Variants in HLCS observed in about 807,000 individuals in gnomAD.
The protein encoded by HLCS is holocarboxylase synthetase, also known as biotin--protein ligase.
Under a neutral mutation model 75.0 loss-of-function variants are expected in HLCS, and 53 were observed. The ratio of observed to expected loss-of-function variants is 0.71; its 90% CI spans 0.57 to 0.89. HLCS has a LOEUF of 0.89. HLCS is among the 40% of genes least tolerant of loss of function. HLCS has a pLI of 0.00. For missense variants in HLCS, 966 were observed against 1,074.0 expected, an observed-to-expected ratio of 0.90 and a Z score of 1.41; for synonymous variants, 431 against 428.6, an observed-to-expected ratio of 1.01 and a Z score of -0.07.
At chr21:36,771,931 G>A (rs145804726) in intron 6 of HLCS, among the ~76,000 whole-genome samples, 1,879 of 151,694 alleles carry the variant, frequency 0.012, 37 homozygotes, top group African/African-American at 0.043. Context: ...CCCAGGGGGC[G>A]GAGGCTGCAG....
intron 6 of HLCS, among the ~76,000 whole-genome samples, chr21:36,798,773 T>C (rs563138863): frequency 6.6e-6 from 1 of 152,374 alleles, no homozygotes; most frequent in East Asian, 1.9e-4. Flanking sequence ...AATTTGCATT[T>C]CTCTGAAGAC....
At chr21:36,778,929 T>C (rs1156518038) in intron 6 of HLCS, among the ~76,000 whole-genome samples, 2 of 152,178 alleles carry the variant, frequency 1.3e-5, no homozygotes, top group African/African-American at 4.8e-5. Flanking sequence ...TTGAACTTTC[T>C]CAGCCCCTGC....
chr21:36,909,736 G>C (rs984906162), intron 5 of HLCS, among the ~76,000 whole-genome samples: 1 of 152,164 alleles, frequency 6.6e-6, no homozygotes, highest in South Asian at 2.1e-4. Flanking sequence ...GGGTTTACAG[G>C]TGTGGGCCAC....
intron 2 of HLCS, chr21:36,947,625 G>A: frequency 1.0e-6 from 1 of 985,448 alleles, no homozygotes; most frequent in African/African-American, 1.7e-5. Context: ...TCCTATAATA[G>A]CAGCCAGCAG....
chr21:36,778,286 T>C (rs1047623801), intron 6 of HLCS, among the ~76,000 whole-genome samples: 2 of 149,998 alleles, frequency 1.3e-5, no homozygotes, highest in Non-Finnish European at 3.0e-5. Flanking sequence ...TCAATTATTA[T>C]TATTATTTTT....
In HLCS at chr21:36,983,104, T is replaced by C. The variant is rs149438143; in HGVS notation, c.-393+7054A>G. 8.1e-3 allele frequency among the ~76,000 whole-genome samples: 1,238 copies of C among 152,238 alleles called. 11 individuals carry two copies. Among genetic ancestry groups the C allele is most frequent in the African/African-American group, 0.028 (1,183 of 41,544 alleles). On this transcript the variant is annotated intron_variant, in intron 1 of 11. Transcript: ENST00000336648. Reference sequence around the variant, plus strand: ...GGTGTGGAGAGTGTCTGCAGTGATATGAGAATCCTGGGCACAACAGCATAA... The same window carrying C: ...GGTGTGGAGAGTGTCTGCAGTGATACGAGAATCCTGGGCACAACAGCATAA...
intron 6 of HLCS, chr21:36,803,897 A>G (rs1183711609): frequency 6.6e-6 from 1 of 152,180 alleles, no homozygotes; most frequent in African/African-American, 2.4e-5. Context: ...ACACACACAT[A>G]CACACATTCA....
At chr21:36,936,355 G>A (rs544917746) in intron 4 of HLCS, 94 bp downstream of exon 4, 1 of 1,140,348 alleles carries the variant, frequency 8.8e-7, no homozygotes, top group African/African-American at 1.5e-5. Flanking sequence ...ACGAACTCCT[G>A]AAACTTTTAA....
At chr21:36,839,699 G>A (rs1442867674) in intron 6 of HLCS, among the ~76,000 whole-genome samples, 3 of 148,294 alleles carry the variant, frequency 2.0e-5, no homozygotes, top group Non-Finnish European at 3.0e-5. Flanking sequence ...AGATGGTCCA[G>A]CTCACTGGCA....
intron 1 of HLCS, among the ~76,000 whole-genome samples, chr21:36,963,456 G>C (rs1271118855): frequency 6.6e-6 from 1 of 152,190 alleles, no homozygotes. Context: ...TATCAATATA[G>C]TGGTTAAAAA....
intron 2 of HLCS, among the ~76,000 whole-genome samples, chr21:36,960,827 G>A (rs1341755631): frequency 6.6e-6 from 1 of 152,166 alleles, no homozygotes; most frequent in Non-Finnish European, 1.5e-5. Context: ...GAGCCTCAGG[G>A]CATGGACTGC....
At chr21:36,778,484 GA>G (rs1384964712) in intron 6 of HLCS, among the ~76,000 whole-genome samples, 2 of 150,906 alleles carry the variant, frequency 1.3e-5, no homozygotes, top group African/African-American at 4.9e-5. Flanking sequence ...TCTCCATGTT[GA>G]CCAGGCTGGT....
Position 36,812,732 on chromosome 21 carries a change from A to T in HLCS, c.1893-45447T>A, listed in dbSNP as rs1370262141. 5.3e-5 allele frequency among the ~76,000 whole-genome samples: 8 copies of T among 152,210 alleles called. No homozygotes were observed. The East Asian group carries it at 1.5e-3, about 29-fold the overall frequency. ...AAAAAATAGAGGAAAAAAATACTAA[A>T]TTTTTCACCTCTGACTTTTCCTCCT... On this transcript the variant is annotated intron_variant, in intron 6 of 10. Transcript: ENST00000674895.
At chr21:36,785,535 T>C (rs752355045) in intron 6 of HLCS, among the ~76,000 whole-genome samples, 23 of 152,242 alleles carry the variant, frequency 1.5e-4, no homozygotes, top group Admixed American at 2.6e-4. Context: ...AGACATTTTA[T>C]ATCCTGTTCT....
In HLCS at chr21:36,980,902, C is replaced by A. The variant is rs1331129528; in HGVS notation, c.-393+9256G>T. 3.3e-5 allele frequency: 5 copies of A among 153,168 alleles called. No individual in the cohort carries two copies. The Admixed American group carries it at 3.3e-4, about 10-fold the overall frequency. 9.5% of individuals were successfully genotyped at this position (153,168 alleles called of 1,614,324 possible). On this transcript the variant is annotated intron_variant, in intron 1 of 11. Coordinates refer to the HLCS transcript ENST00000336648. The stretch of plus-strand genomic sequence containing the variant: ...GCCACACGGGCTGAGACGTCTGGCT[C>A]CTGCACAGCGCACTTCCCGCTGCCC...
chr21:36,883,087 C>T (rs1386829570), intron 6 of HLCS, among the ~76,000 whole-genome samples: 2 of 152,236 alleles, frequency 1.3e-5, no homozygotes, highest in East Asian at 1.9e-4. Context: ...CTCACAGTGA[C>T]GGAATACCCC....
chr21:36,925,735 G>A (rs752522134), intron 5 of HLCS, among the ~76,000 whole-genome samples: 1 of 152,214 alleles, frequency 6.6e-6, no homozygotes, highest in East Asian at 1.9e-4. Context: ...CCTGCAGAGC[G>A]TGGCAGCCTG....
intron 6 of HLCS, among the ~76,000 whole-genome samples, chr21:36,815,617 T>C (rs910230528): frequency 6.6e-6 from 1 of 152,220 alleles, no homozygotes; most frequent in African/African-American, 2.4e-5. Context: ...GGATAGGTTG[T>C]GTAGAATTCA....
intron 6 of HLCS, among the ~76,000 whole-genome samples, chr21:36,819,731 T>C (rs976532319): frequency 2.6e-5 from 4 of 152,112 alleles, no homozygotes; most frequent in African/African-American, 9.7e-5. Flanking sequence ...GCCACACAGC[T>C]AGCAGCCACC....
Sources: allele counts gnomAD v4.1 joint callset (sites outside exome capture counted in the v4.1 genomes callset), GRCh38; gene constraint gnomAD v4.1.1; transcripts MANE v1.5; gene names NCBI Gene and HGNC (gene_info 2026-07-23, HGNC 2026-07-21).